SLC4A4: variants seen among roughly 807,000 people sequenced by gnomAD.
The protein encoded by SLC4A4 is electrogenic sodium bicarbonate cotransporter 1.
SLC4A4 carries 27 observed loss-of-function variants against 111.5 expected under a neutral mutation model. The observed-to-expected ratio is 0.24, with a 90% CI of 0.18 to 0.33. The LOEUF (loss-of-function observed/expected upper bound fraction) is 0.33, where lower values mean the gene tolerates loss of function less well. Among genes scored for constraint, SLC4A4 ranks in the 10% least tolerant of loss-of-function variants. The probability of loss-of-function intolerance (pLI) is 1.00; values close to 1 mark genes in which losing one functional copy is unlikely to be tolerated. For synonymous variants in SLC4A4, 443 were observed against 463.4 expected, an observed-to-expected ratio of 0.96 and a Z score of 0.57; for missense variants, 909 against 1,315.5, an observed-to-expected ratio of 0.69 and a Z score of 4.78.
intron 6 of SLC4A4, among the ~76,000 whole-genome samples, chr4:71,365,783 T>C (rs1414057301): frequency 2.6e-5 from 4 of 152,166 alleles, no homozygotes; most frequent in African/African-American, 9.7e-5. Context: ...GAAATAAGAA[T>C]AATGCCTCAC....
intron 2 of SLC4A4, among the ~76,000 whole-genome samples, chr4:71,168,973 G>A (rs1744862195): frequency 6.6e-6 from 1 of 151,930 alleles, no homozygotes; most frequent in African/African-American, 2.4e-5. Context: ...TATATACCTA[G>A]GAGTGGGATT....
intron 1 of SLC4A4, among the ~76,000 whole-genome samples, chr4:71,078,059 G>A (rs1741892806): frequency 6.6e-6 from 1 of 152,024 alleles, no homozygotes; most frequent in African/African-American, 2.4e-5. Context: ...TAGGATTCTA[G>A]AAACTATTAA....
chr4:71,189,301 G>C (rs1745627446), intron 1 of SLC4A4, among the ~76,000 whole-genome samples: 1 of 152,088 alleles, frequency 6.6e-6, no homozygotes, highest in Non-Finnish European at 1.5e-5. Flanking sequence ...TGTACTCTCA[G>C]TTTAGATTAA....
chr4:71,243,048 T>G (rs1377917056), intron 2 of SLC4A4, among the ~76,000 whole-genome samples: 1 of 152,194 alleles, frequency 6.6e-6, no homozygotes, highest in East Asian at 1.9e-4. Context: ...ATTTGTTAAA[T>G]TGTCTTTTTT....
chr4:71,462,593 G>A (rs796697596), intron 12 of SLC4A4, among the ~76,000 whole-genome samples: 1 of 151,998 alleles, frequency 6.6e-6, no homozygotes, highest in East Asian at 1.9e-4. Flanking sequence ...GTTTTTAGTA[G>A]AGACAGAGTT....
At chr4:71,343,671 A>G (rs191802578) in intron 4 of SLC4A4, among the ~76,000 whole-genome samples, 55 of 152,340 alleles carry the variant, frequency 3.6e-4, no homozygotes, top group Non-Finnish European at 6.5e-4. Flanking sequence ...TCTCACATTC[A>G]GTACTACTAC....
At chr4:71,352,925 T>TA in intron 5 of SLC4A4, among the ~76,000 whole-genome samples, 1 of 152,182 alleles carries the variant, frequency 6.6e-6, no homozygotes, top group Admixed American at 6.5e-5. Flanking sequence ...TGATGAAAGT[T>TA]AAAAGTTGAA....
At chr4:71,268,420 G>A (rs113909145) in intron 3 of SLC4A4, among the ~76,000 whole-genome samples, 12 of 152,206 alleles carry the variant, frequency 7.9e-5, no homozygotes, top group East Asian at 1.9e-4. Context: ...CCTCAATGTC[G>A]TCCATCCAAA....
rs549497673 is a variant in SLC4A4 at position 71,357,156 on chromosome 4, T to C, written c.699T>C (p.Ser233=). 6.8e-6 allele frequency: 11 copies of C among 1,614,178 alleles called. No individual in the cohort carries two copies. In the African/African-American group the frequency reaches 1.2e-4, roughly 18 times the overall value. Residue 233 remains serine (S), a synonymous_variant, in exon 6 of 26, where the codon AGT becomes AGC. Coordinates refer to ENST00000264485, the MANE Select transcript of SLC4A4 (RefSeq NM_001098484.3). The stretch of plus-strand genomic sequence containing the variant: ...CTGACATTGGGAAGACAGTCTCCAG[T>C]GCAAGTAGGATGTTTACCAACCCTG... ...SLADIGKTVS[S]ASRMFTNPDN...
chr4:71,264,523 C>T (rs1413777814), intron 3 of SLC4A4, among the ~76,000 whole-genome samples: 1 of 152,052 alleles, frequency 6.6e-6, no homozygotes, highest in Non-Finnish European at 1.5e-5. Context: ...GGCTGTCTAG[C>T]TAGCTGTGTT....
At chr4:71,284,983 G>A (rs932510249) in intron 3 of SLC4A4, among the ~76,000 whole-genome samples, 1 of 152,136 alleles carries the variant, frequency 6.6e-6, no homozygotes, top group Admixed American at 6.5e-5. Flanking sequence ...ATTCCTTAGA[G>A]TGAGCTTTCC....
chr4:71,396,636 GT>G (rs113717795), intron 6 of SLC4A4, among the ~76,000 whole-genome samples: 16 of 151,246 alleles, frequency 1.1e-4, no homozygotes, highest in African/African-American at 2.4e-4. Context: ...GAAAAGTTAG[GT>G]TTTTTTTTGC....
rs575597937 is a variant in SLC4A4 at position 71,477,342 on chromosome 4, G to C, written c.1903+4372G>C. ...ACTATCCTACAAAAGATGCCCCAGTGAGTTTAATCTTATAATAGTTGTATT... is the reference window on the plus strand; with the variant it reads ...ACTATCCTACAAAAGATGCCCCAGTCAGTTTAATCTTATAATAGTTGTATT... On this transcript the variant is annotated intron_variant, in intron 14 of 25. Coordinates refer to ENST00000264485, the MANE Select transcript of SLC4A4 (RefSeq NM_001098484.3). Among the ~76,000 whole-genome samples, 41 of 151,764 alleles carry C rather than the reference G, an allele frequency of 2.7e-4. No homozygotes were observed. The South Asian group carries it at 8.3e-3, about 31-fold the overall frequency.
At chr4:71,269,036 G>A (rs961452235) in intron 3 of SLC4A4, among the ~76,000 whole-genome samples, 1 of 152,182 alleles carries the variant, frequency 6.6e-6, no homozygotes, top group African/African-American at 2.4e-5. Flanking sequence ...TTTGCCTGGG[G>A]TCACACATGC....
intron 2 of SLC4A4, among the ~76,000 whole-genome samples, chr4:71,172,842 A>G (rs1744981843): frequency 6.6e-6 from 1 of 152,228 alleles, no homozygotes; most frequent in Non-Finnish European, 1.5e-5. Context: ...ATGAAAAACC[A>G]AAAAGCTAAA....
intron 2 of SLC4A4, among the ~76,000 whole-genome samples, chr4:71,103,622 C>G (rs530479536): frequency 2.6e-5 from 4 of 152,242 alleles, no homozygotes; most frequent in African/African-American, 9.6e-5. Flanking sequence ...GAATCTCACT[C>G]AAAACCGCTC....
chr4:71,338,646 A>G (rs1336383010), intron 3 of SLC4A4, among the ~76,000 whole-genome samples: 2 of 146,722 alleles, frequency 1.4e-5, no homozygotes, highest in African/African-American at 5.1e-5. Flanking sequence ...TTTTCAGGAG[A>G]TAGGGTCAAA....
At chr4:71,084,918 C>T (rs942591447) in intron 1 of SLC4A4, among the ~76,000 whole-genome samples, 5 of 151,902 alleles carry the variant, frequency 3.3e-5, no homozygotes, top group African/African-American at 9.7e-5. Flanking sequence ...GGGTATATAC[C>T]CAGTAATGGG....
chr4:71,418,737 T>G (rs529055885), intron 7 of SLC4A4, among the ~76,000 whole-genome samples: 1 of 152,206 alleles, frequency 6.6e-6, no homozygotes, highest in Admixed American at 6.5e-5. Flanking sequence ...TCCCATAAAT[T>G]AGCCTAACCA....
Sources: allele counts gnomAD v4.1 joint callset (sites outside exome capture counted in the v4.1 genomes callset), GRCh38; gene constraint gnomAD v4.1.1; transcripts MANE v1.5; gene names NCBI Gene and HGNC (gene_info 2026-07-23, HGNC 2026-07-21).